Variants in SLC39A12 observed in about 807,000 individuals in gnomAD.
SLC39A12 encodes solute carrier family 39 member 12, also known as zinc transporter ZIP12.
Under a neutral mutation model 71.1 loss-of-function variants are expected in SLC39A12, and 63 were observed. The ratio of observed to expected loss-of-function variants is 0.89; its 90% confidence interval spans 0.72 to 1.09. The LOEUF is 1.09. SLC39A12 is among the 50% of genes least tolerant of loss of function. The probability of loss-of-function intolerance (pLI) is 0.00; values close to 1 mark genes in which losing one functional copy is unlikely to be tolerated. For missense variants in SLC39A12, 892 were observed against 812.6 expected (o/e 1.10, Z -1.19); for synonymous variants, 351 against 301.3 (o/e 1.16, Z -1.71).
chr10:18,033,861 C>G (rs1836922505), intron 12 of SLC39A12, among the ~76,000 whole-genome samples: 1 of 152,086 alleles, frequency 6.6e-6, no homozygotes, highest in Non-Finnish European at 1.5e-5. Context: ...TCTTTGCTCT[C>G]ATTGGTTTCA....
At chr10:18,030,971 A>G (rs1393340051) in intron 12 of SLC39A12, among the ~76,000 whole-genome samples, 1 of 152,060 alleles carries the variant, frequency 6.6e-6, no homozygotes, top group East Asian at 1.9e-4. Flanking sequence ...TACAAAGGAC[A>G]TGAACTCACC....
At chr10:17,979,356 A>C (rs1835196625) in intron 5 of SLC39A12, among the ~76,000 whole-genome samples, 1 of 152,314 alleles carries the variant, frequency 6.6e-6, no homozygotes, top group Non-Finnish European at 1.5e-5. Flanking sequence ...ACTCTCTGAG[A>C]AGGTATTGTA....
intron 10 of SLC39A12, among the ~76,000 whole-genome samples, chr10:18,000,251 A>G (rs1213975664): frequency 6.6e-6 from 1 of 152,228 alleles, no homozygotes; most frequent in African/African-American, 2.4e-5. Flanking sequence ...GGGAATAAGT[A>G]GAAACGTATG....
chr10:18,037,661 A>T (rs1837094664), intron 12 of SLC39A12, among the ~76,000 whole-genome samples: 1 of 152,208 alleles, frequency 6.6e-6, no homozygotes, highest in Non-Finnish European at 1.5e-5. Context: ...AGGCAAATAA[A>T]ATAAGCATTG....
intron 11 of SLC39A12, chr10:18,002,164 G>A (rs774925793): frequency 6.6e-6 from 1 of 152,138 alleles, no homozygotes; most frequent in South Asian, 2.1e-4. Flanking sequence ...AAATAGTAGA[G>A]GCTGGTCTGG....
In SLC39A12 at chr10:18,042,770, A is replaced by C. The variant is rs367754594; in HGVS notation, c.2013A>C (p.Gly671=). 1.2e-6 allele frequency: 2 copies of C among 1,613,604 alleles called. No homozygotes were observed. The highest frequency in any genetic ancestry group is 1.3e-5 in the African/African-American group (1 of 75,004). The change falls in exon 13 of 13, where the codon GGA becomes GGC. Residue 671 remains glycine (G), a synonymous_variant. Coordinates refer to ENST00000377369, the MANE Select transcript of SLC39A12 (RefSeq NM_001145195.2). ...TGATGTTTCTCCTGCAAAACTTTGGATTGATCCTAGGTTGGCTTTCTCTCC... is the reference window on the plus strand; with the variant it reads ...TGATGTTTCTCCTGCAAAACTTTGGCTTGATCCTAGGTTGGCTTTCTCTCC... ...PWMMFLLQNF[G]LILGWLSLLL...
intron 4 of SLC39A12, among the ~76,000 whole-genome samples, chr10:17,966,643 C>T (rs116768636): frequency 0.014 from 2,055 of 151,870 alleles, 40 homozygotes; most frequent in African/African-American, 0.043. Context: ...CTCATTATCA[C>T]GAGTAAAAAA....
intron 12 of SLC39A12, among the ~76,000 whole-genome samples, chr10:18,033,692 G>A (rs1836917713): frequency 7.1e-6 from 1 of 140,620 alleles, no homozygotes; most frequent in African/African-American, 2.7e-5. Context: ...CCTTCTGCTA[G>A]CTTTTGAATG....
intron 7 of SLC39A12, among the ~76,000 whole-genome samples, chr10:17,989,607 G>GT (rs34607936): frequency 2.5e-4 from 37 of 150,968 alleles, no homozygotes; most frequent in South Asian, 2.3e-3. Flanking sequence ...TTTGTAGACA[G>GT]TTTTTTTTTT....
At chr10:18,033,636 G>T (rs1446253421) in intron 12 of SLC39A12, among the ~76,000 whole-genome samples, 1 of 146,330 alleles carries the variant, frequency 6.8e-6, no homozygotes, top group East Asian at 2.1e-4. Context: ...AGCGTTTTTT[G>T]TGTCTCTATT....
chr10:17,959,368 G>A (rs1020264118), intron 2 of SLC39A12, among the ~76,000 whole-genome samples: 1 of 152,090 alleles, frequency 6.6e-6, no homozygotes, highest in Non-Finnish European at 1.5e-5. Flanking sequence ...GGGTTCAGGA[G>A]AGATTAAAGT....
chr10:17,975,393 T>A (rs1177834709), intron 4 of SLC39A12, among the ~76,000 whole-genome samples: 1 of 152,202 alleles, frequency 6.6e-6, no homozygotes, highest in Non-Finnish European at 1.5e-5. Flanking sequence ...TGACAAGTCC[T>A]GCCCGGACTG....
At chr10:18,034,054 G>C (rs1836928526) in intron 12 of SLC39A12, among the ~76,000 whole-genome samples, 2 of 150,410 alleles carry the variant, frequency 1.3e-5, no homozygotes, top group African/African-American at 4.9e-5. Context: ...ATTTGCTGAG[G>C]AGAGCTTTAC....
At chr10:18,033,355 A>G (rs1836905383) in intron 12 of SLC39A12, among the ~76,000 whole-genome samples, 1 of 149,880 alleles carries the variant, frequency 6.7e-6, no homozygotes, top group South Asian at 2.1e-4. Flanking sequence ...TCAGAGATTC[A>G]ACTTCTTCCT....
At chr10:17,967,443 A>G (rs1031139467) in intron 4 of SLC39A12, among the ~76,000 whole-genome samples, 1 of 152,320 alleles carries the variant, frequency 6.6e-6, no homozygotes, top group African/African-American at 2.4e-5. Flanking sequence ...TAATAATCCT[A>G]TAATAGAAAA....
intron 12 of SLC39A12, chr10:18,007,397 C>A (rs1836057835): frequency 6.6e-6 from 1 of 152,272 alleles, no homozygotes; most frequent in Admixed American, 6.5e-5. Context: ...AGCTGTGTTC[C>A]TTCTCTCCTC....
chr10:17,996,258 AT>A (rs34870947), intron 10 of SLC39A12, among the ~76,000 whole-genome samples: 74,633 of 151,848 alleles, frequency 0.49, 18,416 homozygotes, highest in Admixed American at 0.55. Flanking sequence ...TTTTTCTATG[AT>A]TTTTTTCTTC....
Position 18,022,357 on chromosome 10 carries a change from C to A in SLC39A12, c.1947+18999C>A, listed in dbSNP as rs141134577. Among the ~76,000 whole-genome samples, 1,474 of 150,750 alleles carry A rather than the reference C, an allele frequency of 9.8e-3. 20 individuals carry two copies. The highest frequency in any genetic ancestry group is 0.014 in the Middle Eastern group (4 of 294). On this transcript the variant is annotated intron_variant, in intron 12 of 12. Transcript: ENST00000377369. ...TTCTTTTTTGTTTATTTTTGTCTTA[C>A]TGAGTTAATTTGAAGAACCACTCTT...
intron 12 of SLC39A12, chr10:18,008,664 G>A (rs1339355866): frequency 6.6e-6 from 1 of 152,126 alleles, no homozygotes; most frequent in Non-Finnish European, 1.5e-5. Flanking sequence ...CAGGAACAGG[G>A]ATCTGTGGTC....
Sources: gnomAD v4.1 joint callset for allele counts (sites outside exome capture counted in the v4.1 genomes callset) on GRCh38, gnomAD v4.1.1 for gene constraint, MANE v1.5 for transcripts, NCBI Gene and HGNC (gene_info 2026-07-23, HGNC 2026-07-21) for gene names.